Variants in ZNF274 observed in about 807,000 individuals in gnomAD.
ZNF274 encodes the protein zinc finger protein 274.
ZNF274 carries 23 observed loss-of-function variants against 42.5 expected under a neutral mutation model. The ratio of observed to expected loss-of-function variants is 0.54; its 90% CI spans 0.39 to 0.77. The LOEUF is 0.77. ZNF274 is among the 30% of genes least tolerant of loss of function. ZNF274 has a pLI of 0.00. For synonymous variants in ZNF274, 292 were observed against 305.4 expected (o/e 0.96, Z 0.46); for missense variants, 679 against 806.5 (o/e 0.84, Z 1.91).
rs1600126822 is a variant in ZNF274 at position 58,184,053 on chromosome 19, G to T, written c.33+55G>T. The T allele has an allele frequency of 5.8e-6, 9 of 1,554,176 alleles. No individual in the cohort carries two copies. In the East Asian group the frequency reaches 1.9e-4, roughly 33 times the overall value. The stretch of plus-strand genomic sequence containing the variant: ...TCCGCTACTGCACCTGGGAGGATGC[G>T]GATGGTGGTGAGATACCACCTTCCC... On this transcript the variant is annotated intron_variant, in intron 2 of 7. Transcript: ENST00000617501.
intron 4 of ZNF274, among the ~76,000 whole-genome samples, chr19:58,196,781 A>T (rs2075848245): frequency 6.6e-6 from 1 of 152,212 alleles, no homozygotes; most frequent in African/African-American, 2.4e-5. Context: ...TTTAGTTTGA[A>T]AAAATTCACT....
In ZNF274 at chr19:58,208,017, A is replaced by C. The variant is rs2075998221; in HGVS notation, c.739+815A>C. 6.6e-6 allele frequency: 1 copy of C among 152,456 alleles called. No individual in the cohort carries two copies. The highest frequency in any genetic ancestry group is 1.9e-4 in the East Asian group (1 of 5,198). The allele number at this position is 152,456 out of a possible 1,614,324, so 9.4% of individuals were successfully genotyped here. A position where few individuals can be genotyped will look rare whatever the true frequency, so the allele number is the denominator to read the frequency against. On this transcript the variant is annotated intron_variant, in intron 5 of 7. Transcript: ENST00000617501. The surrounding 1 kb of genome is among the most constrained non-coding windows in gnomAD (Gnocchi z 4.5). ...CCTCTGATGGGGTGGTGTCTTGGAT[A>C]GGAGTGATGGTGATGTCTGACTGGG...
rs1281674961 is a variant in ZNF274 at position 58,207,550 on chromosome 19, T to C, written c.739+348T>C. The stretch of plus-strand genomic sequence containing the variant: ...GCAGGAGAGACAGGGATTTGACAAA[T>C]GAGAATGCATAGAAAAATGCTGGGA... On this transcript the variant is annotated intron_variant, in intron 5 of 7. Transcript: ENST00000617501. This position sits in a 1 kb window ranked among gnomAD's most constrained non-coding sequence, Gnocchi z 5.6. 6.6e-6 allele frequency among the ~76,000 whole-genome samples: 1 copy of C among 152,088 alleles called. No homozygotes were observed. The highest frequency in any genetic ancestry group is 1.5e-5 in the Non-Finnish European group (1 of 68,014).
intron 2 of ZNF274, 42 bp from the exon 3 acceptor site, chr19:58,185,670 G>T: frequency 7.2e-7 from 1 of 1,389,702 alleles, no homozygotes; most frequent in Non-Finnish European, 9.4e-7. Context: ...TTTTGTCGTG[G>T]ATGCGGATGG....
At chr19:58,183,865 G>C in intron 1 of ZNF274, 56 bp from the exon 2 acceptor site, 1 of 1,227,970 alleles carries the variant, frequency 8.1e-7, no homozygotes. Flanking sequence ...GGCTGCGGTA[G>C]CTCCCCAGCG....
intron 4 of ZNF274, among the ~76,000 whole-genome samples, chr19:58,188,619 AAATATATATAT>A (rs1304702378): frequency 0.045 from 2,141 of 47,356 alleles, 105 homozygotes; most frequent in African/African-American, 0.23. Context: ...AAAAAAAAAA[AAATATATATAT>A]ATATATATAT....
chr19:58,201,740 C>A (rs2075914355), intron 4 of ZNF274, among the ~76,000 whole-genome samples: 1 of 152,080 alleles, frequency 6.6e-6, no homozygotes, highest in Non-Finnish European at 1.5e-5. Flanking sequence ...TGGTCTCAAA[C>A]TCCTGACCTT....
At chr19:58,185,981 C>T in intron 3 of ZNF274, 143 bp downstream of exon 3, 1 of 602,214 alleles carries the variant, frequency 1.7e-6, no homozygotes, top group Admixed American at 4.1e-5. Flanking sequence ...TGAATCATTG[C>T]CTAGTCCATC....
Position 58,212,835 on chromosome 19 carries a change from C to T in ZNF274, c.1654C>T (p.Gln552Ter). The change falls in exon 8 of 8, where the codon CAG becomes TAG. Residue 552 changes from glutamine (Q) to a stop codon, truncating the protein, a stop_gained. Transcript: ENST00000617501. LOFTEE classifies it high-confidence loss of function. The surrounding 1 kb of genome is among the most constrained non-coding windows in gnomAD (Gnocchi z 4.6). Reference protein sequence around the residue: ...KGFVQSSSLTQHQRVHSGERP... With the variant: ...KGFVQSSSLT ...ATTTGTTCAGAGCTCTTCCCTCACA[C>T]AGCATCAGAGAGTTCATTCTGGAGA... 1 of 1,614,026 alleles carries T rather than the reference C, an allele frequency of 6.2e-7. No individual in the cohort carries two copies.
chr19:58,194,343 T>C (rs929180341), intron 4 of ZNF274, among the ~76,000 whole-genome samples: 3 of 151,706 alleles, frequency 2.0e-5, no homozygotes, highest in Non-Finnish European at 2.9e-5. Flanking sequence ...GTTTGTGTTT[T>C]CTGTGTTTTT....
intron 4 of ZNF274, among the ~76,000 whole-genome samples, chr19:58,198,518 C>G (rs747411681): frequency 3.9e-5 from 6 of 152,072 alleles, no homozygotes; most frequent in Non-Finnish European, 8.8e-5. Context: ...TAGTCAAGTG[C>G]GAACACACAA....
In ZNF274 at chr19:58,210,071, G is replaced by A; in HGVS notation, c.850G>A (p.Glu284Lys). 6.2e-7 allele frequency: 1 copy of A among 1,613,188 alleles called. No homozygotes were observed. Among genetic ancestry groups the A allele is most frequent in the Non-Finnish European group, 8.5e-7 (1 of 1,179,372 alleles). The change falls in exon 6 of 8, where the codon GAG becomes AAG. Residue 284 changes from glutamate (E) to lysine (K), a missense_variant and splice_region_variant. Physicochemically the swap from Glu to Lys is moderately conservative, Grantham distance 56. Around this residue, in one of 2 missense-constraint regions of ZNF274, gnomAD observed 456 missense variants for 590.1 expected, o/e 0.77. Coordinates refer to ENST00000617501, the MANE Select transcript of ZNF274 (RefSeq NM_133502.3). ...AAICPVTVLP[E>K]EPVTFQDVAV... ...CATCTGCCCAGTGACAGTGCTCCCTGAGGTAAGCGGGGAGTATCACCCTGT... is the reference window on the plus strand; with the variant it reads ...CATCTGCCCAGTGACAGTGCTCCCTAAGGTAAGCGGGGAGTATCACCCTGT...
chr19:58,212,649 C>A lies in ZNF274; in HGVS notation c.1468C>A (p.Arg490=). 6.2e-7 allele frequency: 1 copy of A among 1,613,974 alleles called. No homozygotes were observed. The highest frequency in any genetic ancestry group is 1.1e-5 in the South Asian group (1 of 91,050). The change falls in exon 8 of 8, where the codon CGG becomes AGG. Residue 490 remains arginine (R), a synonymous_variant. Coordinates refer to ENST00000617501, the MANE Select transcript of ZNF274 (RefSeq NM_133502.3). This position sits in a 1 kb window ranked among gnomAD's most constrained non-coding sequence, Gnocchi z 4.6. Reference sequence around the variant, plus strand: ...CAATGGTTGTAGGAAAACCTTCAGTCGGAGTACTAAACAGATTACGTTTAT... The same window carrying A: ...CAATGGTTGTAGGAAAACCTTCAGTAGGAGTACTAAACAGATTACGTTTAT... ...EGNGCRKTFS[R]STKQITFIRI...
At position 58,183,458 on chromosome 19, in the gene ZNF274, A is replaced by T. The variant is rs2075654712; in HGVS notation, c.-46+16A>T. ...CGCGCGCCGGGTGAGTGCCGCGCGA[A>T]ACCTGCGTCCGTCGGGGGCTGCGCT... is the stretch of plus-strand genomic sequence containing the variant. On this transcript the variant is annotated intron_variant, in intron 1 of 7. Transcript: ENST00000617501. 1 of 152,456 alleles carries T rather than the reference A, an allele frequency of 6.6e-6. No homozygotes were observed. The highest frequency in any genetic ancestry group is 6.5e-5 in the Admixed American group (1 of 15,292). 9.4% of individuals were successfully genotyped at this position (152,456 alleles called of 1,614,324 possible). A position where few individuals can be genotyped will look rare whatever the true frequency, so the allele number is the denominator to read the frequency against.
intron 4 of ZNF274, among the ~76,000 whole-genome samples, chr19:58,193,743 A>G (rs749755592): frequency 6.6e-6 from 1 of 151,924 alleles, no homozygotes; most frequent in Non-Finnish European, 1.5e-5. Flanking sequence ...TGACAAACAC[A>G]GCAAAACGTC....
At chr19:58,204,034 C>T (rs2075949984) in intron 4 of ZNF274, among the ~76,000 whole-genome samples, 1 of 152,232 alleles carries the variant, frequency 6.6e-6, no homozygotes, top group Non-Finnish European at 1.5e-5. Context: ...CCAGCCAAAC[C>T]TGTGCAGCGC....
At chr19:58,198,351 G>GA (rs2075867945) in intron 4 of ZNF274, among the ~76,000 whole-genome samples, 1 of 152,084 alleles carries the variant, frequency 6.6e-6, no homozygotes, top group African/African-American at 2.4e-5. Flanking sequence ...GTATTGATTT[G>GA]AAACCACATG....
intron 1 of ZNF274, 116 bp from the exon 2 acceptor site, chr19:58,183,805 A>T: frequency 1.5e-6 from 1 of 660,046 alleles, no homozygotes; most frequent in Non-Finnish European, 2.6e-6. Flanking sequence ...GGCGTTTTCC[A>T]GTTTGGGTGG....
chr19:58,191,489 G>A (rs1489086710), intron 4 of ZNF274, among the ~76,000 whole-genome samples: 1 of 152,220 alleles, frequency 6.6e-6, no homozygotes. Context: ...CTCAGGCTGT[G>A]ACAAGTCTGC....
Sources: gnomAD v4.1 joint callset for allele counts (sites outside exome capture counted in the v4.1 genomes callset) on GRCh38, gnomAD v4.1.1 for gene constraint, gnomAD v4.1.1 regional missense constraint, Gnocchi (gnomAD v3.1) non-coding constraint, MANE v1.5 for transcripts, NCBI Gene and HGNC (gene_info 2026-07-23, HGNC 2026-07-21) for gene names.